The following EPB41L4A variants were observed in gnomAD, a reference collection of about 807,000 sequenced individuals.
EPB41L4A encodes the protein band 4.1-like protein 4A.
In EPB41L4A, 100 loss-of-function variants were observed where a neutral mutation model predicts 108.6. The observed-to-expected ratio is 0.92, with a 90% CI of 0.78 to 1.09. The LOEUF (loss-of-function observed/expected upper bound fraction) is 1.09. Ranked by LOEUF, EPB41L4A falls within the 50% of genes least tolerant of loss-of-function variation. The probability of loss-of-function intolerance (pLI) is 0.00; values close to 1 mark genes in which losing one functional copy is unlikely to be tolerated. For synonymous variants in EPB41L4A, 319 were observed against 289.0 expected (o/e 1.10, Z -1.05); for missense variants, 1,030 against 842.7 (o/e 1.22, Z -2.75).
rs754307593 is a variant in EPB41L4A, at chr5:112,169,016, C to A, written c.1829G>T (p.Arg610Leu). 1.2e-6 allele frequency: 2 copies of A among 1,613,566 alleles called. No individual in the cohort carries two copies. Among genetic ancestry groups the A allele is most frequent in the East Asian group, 2.2e-5 (1 of 44,870 alleles). ...YRRSQCSDGERSVLSEVNSKT... is the reference protein window; with the variant it reads ...YRRSQCSDGELSVLSEVNSKT... ...TTACTTCACTTCCGAGAGAACTGAT[C>A]GCTCCCCATCTGAACACTGGGACCT... The change falls in exon 21 of 23, where the codon CGA becomes CTA. Residue 610 changes from arginine (R) to leucine (L), a missense_variant. Arg to Leu is a moderately radical substitution (Grantham distance 102). Coordinates refer to ENST00000261486, the MANE Select transcript of EPB41L4A (RefSeq NM_022140.5).
intron 1 of EPB41L4A, among the ~76,000 whole-genome samples, chr5:112,381,309 T>C (rs1760162260): frequency 1.3e-5 from 2 of 152,226 alleles, no homozygotes; most frequent in Admixed American, 1.3e-4. Context: ...ATAATGATAA[T>C]TGCTTATAAT....
chr5:112,194,672 G>GA, intron 16 of EPB41L4A, 27 bp from the exon 17 acceptor site: 2 of 1,517,170 alleles, frequency 1.3e-6, no homozygotes, highest in South Asian at 1.2e-5. Context: ...AAGAACAAAA[G>GA]AAAAAACACA....
At chr5:112,308,954 G>A (rs78008946) in intron 1 of EPB41L4A, among the ~76,000 whole-genome samples, 2,667 of 152,240 alleles carry the variant, frequency 0.018, 82 homozygotes, top group African/African-American at 0.06. Flanking sequence ...ATAAAAGCAA[G>A]CACTCTTTCA....
At chr5:112,176,373 C>G (rs1291391730) in intron 18 of EPB41L4A, among the ~76,000 whole-genome samples, 2 of 152,138 alleles carry the variant, frequency 1.3e-5, no homozygotes, top group Non-Finnish European at 2.9e-5. Context: ...TTAAGAGTTA[C>G]AACATTTGTA....
At chr5:112,354,705 T>G (rs965494072) in intron 1 of EPB41L4A, among the ~76,000 whole-genome samples, 7 of 152,240 alleles carry the variant, frequency 4.6e-5, no homozygotes, top group African/African-American at 1.7e-4. Context: ...AATAGCATTT[T>G]TGAATCTGGA....
chr5:112,310,046 C>T (rs1580658605), intron 1 of EPB41L4A, among the ~76,000 whole-genome samples: 1 of 152,318 alleles, frequency 6.6e-6, no homozygotes, highest in East Asian at 1.9e-4. Flanking sequence ...TGATTTCATC[C>T]TTGTGGGGCC....
intron 1 of EPB41L4A, among the ~76,000 whole-genome samples, chr5:112,380,429 T>C (rs901845203): frequency 1.7e-4 from 26 of 152,266 alleles, no homozygotes; most frequent in South Asian, 6.2e-4. Context: ...AGAATATATG[T>C]TATATATTCT....
intron 14 of EPB41L4A, 21 bp from the exon 15 acceptor site, chr5:112,204,509 T>C (rs1170060701): frequency 1.3e-6 from 2 of 1,514,830 alleles, no homozygotes; most frequent in Middle Eastern, 1.7e-4. Context: ...AGAAAAATGG[T>C]CAAAAAGAGC....
At chr5:112,170,196 G>A (rs976371809) in intron 20 of EPB41L4A, 105 bp downstream of exon 20, 2 of 1,166,294 alleles carry the variant, frequency 1.7e-6, no homozygotes, top group Non-Finnish European at 2.5e-6. Flanking sequence ...TGTTTAAAAT[G>A]TAAAGACAAA....
chr5:112,283,268 CA>C (rs1011585315), intron 2 of EPB41L4A, among the ~76,000 whole-genome samples: 2 of 152,246 alleles, frequency 1.3e-5, no homozygotes, highest in African/African-American at 4.8e-5. Flanking sequence ...CTCATTTGAT[CA>C]AAATGGAAAC....
chr5:112,318,999 T>C (rs1283063989), intron 1 of EPB41L4A, among the ~76,000 whole-genome samples: 1 of 152,178 alleles, frequency 6.6e-6, no homozygotes, highest in Non-Finnish European at 1.5e-5. Context: ...CATTAGCTTG[T>C]TATAGGAAAC....
Position 112,338,165 on chromosome 5 carries a change from C to T in EPB41L4A, c.100-30675G>A, listed in dbSNP as rs374014062. 2.8e-4 allele frequency among the ~76,000 whole-genome samples: 43 copies of T among 152,284 alleles called. 1 individual carries two copies. The South Asian group carries it at 8.3e-3, about 29-fold the overall frequency. The stretch of plus-strand genomic sequence containing the variant: ...TATGCCCATGAATACAGTGAAATTC[C>T]TCTGGCATGACATTTGAAGCTGACT... On this transcript the variant is annotated intron_variant, in intron 1 of 22. Coordinates refer to ENST00000261486, the MANE Select transcript of EPB41L4A (RefSeq NM_022140.5).
intron 8 of EPB41L4A, among the ~76,000 whole-genome samples, chr5:112,259,522 T>A (rs4958028): frequency 6.6e-6 from 1 of 152,170 alleles, no homozygotes; most frequent in African/African-American, 2.4e-5. Flanking sequence ...ATCCCTAGAT[T>A]GTGGCAGTGC....
intron 2 of EPB41L4A, among the ~76,000 whole-genome samples, chr5:112,303,428 G>C (rs1307043224): frequency 2.0e-5 from 3 of 152,172 alleles, no homozygotes; most frequent in Non-Finnish European, 4.4e-5. Flanking sequence ...ACTAGCAAAG[G>C]TAGCACTAAA....
At chr5:112,183,565 A>C (rs1343702685) in intron 18 of EPB41L4A, among the ~76,000 whole-genome samples, 1 of 152,218 alleles carries the variant, frequency 6.6e-6, no homozygotes, top group Non-Finnish European at 1.5e-5. Context: ...CGCAAATTCC[A>C]ACACTGAGGT....
intron 1 of EPB41L4A, among the ~76,000 whole-genome samples, chr5:112,395,142 C>A (rs1761244644): frequency 6.6e-6 from 1 of 152,164 alleles, no homozygotes; most frequent in Non-Finnish European, 1.5e-5. Context: ...CATACGAACC[C>A]TAGAAGAAAA....
At chr5:112,337,748 T>C (rs1757016200) in intron 1 of EPB41L4A, among the ~76,000 whole-genome samples, 3 of 152,098 alleles carry the variant, frequency 2.0e-5, no homozygotes, top group African/African-American at 4.8e-5. Flanking sequence ...CTGACCCATA[T>C]TGTAAAAAAA....
At chr5:112,242,757 T>A (rs1003663904) in intron 9 of EPB41L4A, among the ~76,000 whole-genome samples, 2 of 152,234 alleles carry the variant, frequency 1.3e-5, no homozygotes, top group African/African-American at 4.8e-5. Context: ...ATCCATGGGT[T>A]GCAGAACAGA....
intron 17 of EPB41L4A, among the ~76,000 whole-genome samples, chr5:112,188,035 TC>T (rs1761511786): frequency 6.6e-6 from 1 of 152,206 alleles, no homozygotes. Flanking sequence ...GTATTTTATT[TC>T]CAAACCAGAC....
Sources: gnomAD v4.1 joint callset for allele counts (sites outside exome capture counted in the v4.1 genomes callset) on GRCh38, gnomAD v4.1.1 for gene constraint, MANE v1.5 for transcripts, NCBI Gene and HGNC (gene_info 2026-07-23, HGNC 2026-07-21) for gene names.